Variants in SMURF2 observed in about 807,000 individuals in gnomAD.
SMURF2 encodes E3 ubiquitin-protein ligase SMURF2.
SMURF2 carries 48 observed loss-of-function variants against 109.6 expected under a neutral mutation model. That is an observed-to-expected ratio of 0.44 (90% CI 0.35 to 0.56). The LOEUF is 0.56. Among genes scored for constraint, SMURF2 ranks in the 20% least tolerant of loss-of-function variants. SMURF2 has a pLI of 0.01. For synonymous variants in SMURF2, 288 were observed against 317.1 expected (o/e 0.91, Z 0.97); for missense variants, 575 against 909.0 (o/e 0.63, Z 4.72).
chr17:64,600,852 C>CA (rs1326528315), intron 2 of SMURF2, among the ~76,000 whole-genome samples: 7 of 151,948 alleles, frequency 4.6e-5, no homozygotes, highest in Admixed American at 2.0e-4. Context: ...TGAGCAAAAA[C>CA]AAAAAAATCA....
Position 64,557,595 on chromosome 17 carries a change from C to T in SMURF2, c.1431+13G>A. On this transcript the variant is annotated intron_variant, in intron 13 of 18. Coordinates refer to ENST00000262435, the MANE Select transcript of SMURF2 (RefSeq NM_022739.4). ...TTATTGGTCACAATTCACATCATAA[C>T]TTCAAATCATACCGGATTAACTGCA... 1.4e-6 allele frequency: 2 copies of T among 1,476,782 alleles called. No individual in the cohort carries two copies. The highest frequency in any genetic ancestry group is 9.4e-7 in the Non-Finnish European group (1 of 1,058,300). The allele number at this position is 1,476,782 out of a possible 1,614,324, so 91.5% of individuals were successfully genotyped here. A position where few individuals can be genotyped will look rare whatever the true frequency, so the allele number is the denominator to read the frequency against.
intron 1 of SMURF2, among the ~76,000 whole-genome samples, chr17:64,631,268 GAGA>G (rs1970336474): frequency 6.7e-4 from 5 of 7,432 alleles, no homozygotes; most frequent in East Asian, 9.4e-3. Flanking sequence ...GTGGGGGGGA[GAGA>G]GGGGGGGGGG....
intron 10 of SMURF2, among the ~76,000 whole-genome samples, chr17:64,569,351 T>C (rs1969365081): frequency 6.6e-6 from 1 of 151,514 alleles, no homozygotes; most frequent in East Asian, 1.9e-4. Context: ...GATTAAAGAC[T>C]TTACAGTAAA....
At chr17:64,566,308 A>G (rs1969299923) in intron 10 of SMURF2, among the ~76,000 whole-genome samples, 2 of 152,046 alleles carry the variant, frequency 1.3e-5, no homozygotes, top group Middle Eastern at 3.4e-3. Context: ...TCACATATAA[A>G]TTATATACTA....
chr17:64,603,346 C>T (rs1969923149), intron 2 of SMURF2, among the ~76,000 whole-genome samples: 1 of 152,070 alleles, frequency 6.6e-6, no homozygotes, highest in Non-Finnish European at 1.5e-5. Flanking sequence ...CTTTGAGAGG[C>T]CGAGGCAGGC....
rs188060676 is a variant in SMURF2, at chr17:64,570,664, A to G, written c.1016+1134T>C. 4.4e-4 allele frequency among the ~76,000 whole-genome samples: 67 copies of G among 152,310 alleles called. 1 individual carries two copies. The highest frequency in any genetic ancestry group is 1.6e-3 in the African/African-American group (66 of 41,572). On this transcript the variant is annotated intron_variant, in intron 10 of 18. Transcript: ENST00000262435. ...TCCTGGTTTCACTCCAGACTTCACC[A>G]CTGGCAACGTATGGAAAGTCATGTA...
intron 17 of SMURF2, 48 bp from the exon 18 acceptor site, chr17:64,546,386 A>T (rs16947858): frequency 0.041 from 62,882 of 1,537,512 alleles, 1,728 homozygotes; most frequent in Admixed American, 0.14. Context: ...TGCGTGCATT[A>T]GTCTCCAAAA....
intron 1 of SMURF2, among the ~76,000 whole-genome samples, chr17:64,612,543 AC>A (rs1970059816): frequency 6.6e-6 from 1 of 151,770 alleles, no homozygotes; most frequent in Non-Finnish European, 1.5e-5. Flanking sequence ...GTGTGGTGGC[AC>A]ACACATGTAG....
intron 1 of SMURF2, among the ~76,000 whole-genome samples, chr17:64,651,753 T>C (rs1489918685): frequency 3.3e-5 from 5 of 152,026 alleles, no homozygotes; most frequent in Admixed American, 3.3e-4. Context: ...TGAGGCCCCA[T>C]GTCTACAAAA....
intron 1 of SMURF2, among the ~76,000 whole-genome samples, chr17:64,618,534 T>C (rs1206776782): frequency 6.6e-6 from 1 of 152,218 alleles, no homozygotes; most frequent in Non-Finnish European, 1.5e-5. Context: ...CTATGCTGTG[T>C]GCAGACCAAA....
intron 8 of SMURF2, among the ~76,000 whole-genome samples, chr17:64,579,179 GAA>G (rs1319677768): frequency 1.3e-5 from 2 of 151,974 alleles, no homozygotes; most frequent in African/African-American, 4.8e-5. Context: ...ACACTGGGGA[GAA>G]AAAAGTCAAG....
At chr17:64,552,267 T>C (rs1273124984) in intron 15 of SMURF2, among the ~76,000 whole-genome samples, 2 of 152,192 alleles carry the variant, frequency 1.3e-5, no homozygotes, top group East Asian at 3.9e-4. Flanking sequence ...TTCTGGAAGA[T>C]GTAATTTTAC....
Position 64,605,744 on chromosome 17 carries a change from AATATATATATATAT to A in SMURF2, c.91+844_91+857del, listed in dbSNP as rs71158333. Among the ~76,000 whole-genome samples the A allele has an allele frequency of 2.0e-3, 199 of 99,104 alleles. 4 individuals are homozygous for A. Among genetic ancestry groups the A allele is most frequent in the Middle Eastern group, 0.019 (4 of 208 alleles). 65.0% of individuals were successfully genotyped at this position (99,104 alleles called of 152,430 possible). ...AGGGCAAGATCCTGTCTCTAAAAAG[AATATATATATATAT>A]ATATATATATATATATATCTTATTT... On this transcript the variant is annotated intron_variant, in intron 2 of 18. Coordinates refer to ENST00000262435, the MANE Select transcript of SMURF2 (RefSeq NM_022739.4).
chr17:64,643,838 G>A (rs75853706), intron 1 of SMURF2, among the ~76,000 whole-genome samples: 1 of 152,164 alleles, frequency 6.6e-6, no homozygotes, highest in South Asian at 2.1e-4. Flanking sequence ...TTGTTTGTTT[G>A]TTTTTTGAGA....
At chr17:64,585,144 T>C (rs1969635415) in intron 6 of SMURF2, among the ~76,000 whole-genome samples, 1 of 152,188 alleles carries the variant, frequency 6.6e-6, no homozygotes, top group Admixed American at 6.5e-5. Flanking sequence ...ACATGTAAGT[T>C]ATATCTCATC....
intron 10 of SMURF2, among the ~76,000 whole-genome samples, chr17:64,566,582 TTTTTTTTTTGA>T (rs1555685021): frequency 8.7e-6 from 1 of 114,718 alleles, no homozygotes; most frequent in Non-Finnish European, 1.9e-5. Flanking sequence ...TTTTTTTTTT[TTTTTTTTTTGA>T]GACAGTCTCG....
chr17:64,598,633 TA>T (rs1220941132), intron 2 of SMURF2, 143 bp from the exon 3 acceptor site: 579 of 588,832 alleles, frequency 9.8e-4, no homozygotes, highest in South Asian at 1.8e-3. Flanking sequence ...GTCCATTTTT[TA>T]AAAAAAAAGA....
At position 64,554,988 on chromosome 17, in the gene SMURF2, T is replaced by A; in HGVS notation, c.1616A>T (p.Asn539Ile). The change falls in exon 15 of 19, where the codon AAT (asparagine) becomes ATT (isoleucine). Residue 539 changes from asparagine to isoleucine, a missense_variant. Coordinates refer to ENST00000262435, the MANE Select transcript of SMURF2 (RefSeq NM_022739.4). Reference sequence around the variant, plus strand: ...ATGGTCCAAAACACCTGTAATATCATTCTCACTGGATAGGAAAGAGGAAAA... The same window carrying A: ...ATGGTCCAAAACACCTGTAATATCAATCTCACTGGATAGGAAAGAGGAAAA... ...LHNSLVWILENDITGVLDHTF... is the reference protein window; with the variant it reads ...LHNSLVWILEIDITGVLDHTF... The A allele has an allele frequency of 6.2e-7, 1 of 1,613,126 alleles. No homozygotes were observed. The highest frequency in any genetic ancestry group is 8.5e-7 in the Non-Finnish European group (1 of 1,179,524).
At chr17:64,611,830 C>T (rs1158810765) in intron 1 of SMURF2, among the ~76,000 whole-genome samples, 8 of 152,152 alleles carry the variant, frequency 5.3e-5, no homozygotes, top group Admixed American at 4.6e-4. Context: ...CTTATATTGG[C>T]TTCAATGCCC....
Sources: gnomAD v4.1 joint callset for allele counts (sites outside exome capture counted in the v4.1 genomes callset) on GRCh38, gnomAD v4.1.1 for gene constraint, MANE v1.5 for transcripts, NCBI Gene and HGNC (gene_info 2026-07-23, HGNC 2026-07-21) for gene names.